GPC6: variants seen among roughly 807,000 people sequenced by gnomAD.
GPC6 encodes glypican-6.
GPC6 carries 14 observed loss-of-function variants against 55.2 expected under a neutral mutation model. The observed-to-expected ratio is 0.25, with a 90% CI of 0.17 to 0.40. The LOEUF (loss-of-function observed/expected upper bound fraction) is 0.40, where lower values mean the gene tolerates loss of function less well. GPC6 is among the 10% of genes least tolerant of loss of function. GPC6 has a pLI of 1.00. For synonymous variants in GPC6, 278 were observed against 259.6 expected, an observed-to-expected ratio of 1.07 and a Z score of -0.68; for missense variants, 641 against 708.5, an observed-to-expected ratio of 0.90 and a Z score of 1.08.
At chr13:93,494,469 T>G (rs1207298449) in intron 1 of GPC6, among the ~76,000 whole-genome samples, 3 of 152,116 alleles carry the variant, frequency 2.0e-5, no homozygotes, top group Non-Finnish European at 4.4e-5. Context: ...GGTCTTGACT[T>G]TTTATCCAGC....
chr13:94,373,343 A>G lies in GPC6; in HGVS notation c.1153-9071A>G, dbSNP rs553971446. Among the ~76,000 whole-genome samples, 4 of 152,052 alleles carry G rather than the reference A, an allele frequency of 2.6e-5. No homozygotes were observed. The South Asian group carries it at 8.3e-4, about 32-fold the overall frequency. Reference sequence around the variant, plus strand: ...AAAATTTAGAAGAATGTATAACTAGAATAACCAATACAGAGAAGTGCTTAA... The same window carrying G: ...AAAATTTAGAAGAATGTATAACTAGGATAACCAATACAGAGAAGTGCTTAA... On this transcript the variant is annotated intron_variant, in intron 6 of 8. Transcript: ENST00000377047.
chr13:94,182,803 GGTCTCA>G (rs1208527379), intron 4 of GPC6, among the ~76,000 whole-genome samples: 1 of 151,846 alleles, frequency 6.6e-6, no homozygotes, highest in South Asian at 2.1e-4. Flanking sequence ...TTTGAGACAG[GGTCTCA>G]CTCTGTCACC....
intron 2 of GPC6, among the ~76,000 whole-genome samples, chr13:93,695,803 T>C (rs564302394): frequency 6.6e-6 from 1 of 152,242 alleles, no homozygotes; most frequent in Non-Finnish European, 1.5e-5. Context: ...GTGACATTGC[T>C]GATATTAATT....
chr13:94,049,733 G>A (rs1566336732), intron 4 of GPC6, among the ~76,000 whole-genome samples: 1 of 152,052 alleles, frequency 6.6e-6, no homozygotes, highest in African/African-American at 2.4e-5. Context: ...ATTTATTAAG[G>A]AGCTCCTCTC....
intron 3 of GPC6, among the ~76,000 whole-genome samples, chr13:93,887,440 C>T (rs941893592): frequency 6.6e-6 from 1 of 152,026 alleles, no homozygotes; most frequent in African/African-American, 2.4e-5. Flanking sequence ...CTGAAAGTTA[C>T]TGAACACAGA....
intron 1 of GPC6, among the ~76,000 whole-genome samples, chr13:93,278,953 C>T (rs535154173): frequency 3.4e-4 from 52 of 152,056 alleles, no homozygotes; most frequent in African/African-American, 1.2e-3. Context: ...ATGTTGTATA[C>T]CTAAAATATA....
chr13:93,439,515 A>C lies in GPC6; in HGVS notation c.161-105748A>C, dbSNP rs1351616528. On this transcript the variant is annotated intron_variant, in intron 1 of 8. Transcript: ENST00000377047. ...CCGTGATTGTGAGGCCTTCCCAGCT[A>C]TGTCGAACTGTGAGTCAATTAATCC... 5.9e-5 allele frequency among the ~76,000 whole-genome samples: 9 copies of C among 152,122 alleles called. No individual in the cohort carries two copies. The East Asian group carries it at 1.4e-3, about 23-fold the overall frequency.
intron 4 of GPC6, among the ~76,000 whole-genome samples, chr13:94,226,291 G>A (rs1566565442): frequency 6.6e-6 from 1 of 152,162 alleles, no homozygotes; most frequent in Non-Finnish European, 1.5e-5. Flanking sequence ...TGGGGGCAGG[G>A]ATGGGGAGAG....
intron 1 of GPC6, among the ~76,000 whole-genome samples, chr13:93,260,412 GA>G (rs1320452394): frequency 3.9e-5 from 6 of 151,998 alleles, no homozygotes; most frequent in African/African-American, 1.4e-4. Flanking sequence ...GTAAAATTTG[GA>G]AAAGAATCTC....
intron 3 of GPC6, among the ~76,000 whole-genome samples, chr13:94,025,130 C>A (rs1394784605): frequency 6.6e-6 from 1 of 152,160 alleles, no homozygotes; most frequent in Non-Finnish European, 1.5e-5. Context: ...AGAAGCACAG[C>A]ATCATTTAAT....
At chr13:94,342,147 AACT>A (rs1411408297) in intron 6 of GPC6, among the ~76,000 whole-genome samples, 1 of 152,224 alleles carries the variant, frequency 6.6e-6, no homozygotes, top group Non-Finnish European at 1.5e-5. Context: ...CACTTTGAAG[AACT>A]ACTATTTATT....
At chr13:93,634,356 G>T (rs1010664695) in intron 2 of GPC6, among the ~76,000 whole-genome samples, 1 of 152,172 alleles carries the variant, frequency 6.6e-6, no homozygotes, top group Non-Finnish European at 1.5e-5. Context: ...AGTCTGGTGA[G>T]CAAAACTAAC....
Position 94,071,978 on chromosome 13 carries a change from A to G in GPC6, c.877+44084A>G, listed in dbSNP as rs112427932. ...TTGCCATAATTACACACAGTTAAGC[A>G]TTTATTCAGCATCAAGCACAACTAA... On this transcript the variant is annotated intron_variant, in intron 4 of 8. Transcript: ENST00000377047. Among the ~76,000 whole-genome samples, 1,250 of 152,306 alleles carry G rather than the reference A, an allele frequency of 8.2e-3. 10 individuals carry two copies. Among genetic ancestry groups the G allele is most frequent in the Non-Finnish European group, 0.011 (767 of 68,018 alleles).
rs367621719 is a variant in GPC6 at position 94,172,583 on chromosome 13, A to G, written c.878-113766A>G. ...ATACTTATTCATTAACATATTCTCT[A>G]TGGGTCCTTTCCCAAGAGCTGAGTG... is the stretch of plus-strand genomic sequence containing the variant. On this transcript the variant is annotated intron_variant, in intron 4 of 8. Transcript: ENST00000377047. 7.9e-5 allele frequency among the ~76,000 whole-genome samples: 12 copies of G among 152,324 alleles called. 1 individual carries two copies. Among genetic ancestry groups the G allele is most frequent in the African/African-American group, 1.4e-4 (6 of 41,578 alleles).
chr13:93,458,199 T>C (rs1316019944), intron 1 of GPC6, among the ~76,000 whole-genome samples: 1 of 152,174 alleles, frequency 6.6e-6, no homozygotes, highest in Non-Finnish European at 1.5e-5. Flanking sequence ...TGATCACACA[T>C]ACTGCTCAGG....
rs140678760 is a variant in GPC6, at chr13:93,847,086, T to G, written c.711+16541T>G. Among the ~76,000 whole-genome samples the G allele has an allele frequency of 6.5e-3, 987 of 152,244 alleles. 8 individuals carry two copies. Among genetic ancestry groups the G allele is most frequent in the Middle Eastern group, 0.027 (8 of 294 alleles). ...TTTGTCTGTAATTGGAACTCTAACA[T>G]AAGTAACATAGACACTTTATTGAGG... is the stretch of plus-strand genomic sequence containing the variant. On this transcript the variant is annotated intron_variant, in intron 3 of 8. Transcript: ENST00000377047.
chr13:93,328,464 A>G (rs1879730919), intron 1 of GPC6, among the ~76,000 whole-genome samples: 1 of 152,110 alleles, frequency 6.6e-6, no homozygotes, highest in South Asian at 2.1e-4. Context: ...GCTTGAGCCC[A>G]GGAGTTCGAG....
intron 6 of GPC6, among the ~76,000 whole-genome samples, chr13:94,342,284 A>G (rs751311635): frequency 6.6e-6 from 1 of 152,202 alleles, no homozygotes; most frequent in Non-Finnish European, 1.5e-5. Flanking sequence ...ATGAGACCTT[A>G]ATTGAGAATA....
At chr13:94,333,978 C>T (rs1474147319) in intron 6 of GPC6, among the ~76,000 whole-genome samples, 1 of 152,194 alleles carries the variant, frequency 6.6e-6, no homozygotes, top group Non-Finnish European at 1.5e-5. Flanking sequence ...AATGAAATGA[C>T]AACTTTGAGT....
Sources: allele counts gnomAD v4.1 joint callset (sites outside exome capture counted in the v4.1 genomes callset), GRCh38; gene constraint gnomAD v4.1.1; transcripts MANE v1.5; gene names NCBI Gene and HGNC (gene_info 2026-07-23, HGNC 2026-07-21).